Variants in GLOD4 observed in about 807,000 individuals in gnomAD.
GLOD4 encodes glyoxalase domain containing 4.
In GLOD4, 44 loss-of-function variants were observed where a neutral mutation model predicts 39.1. The observed-to-expected ratio is 1.13, with a 90% CI of 0.88 to 1.45. The LOEUF (loss-of-function observed/expected upper bound fraction) is 1.45, where lower values mean the gene tolerates loss of function less well. GLOD4 is among the 40% of genes most tolerant of loss of function. GLOD4 has a pLI of 0.00. For synonymous variants in GLOD4, 145 were observed against 135.0 expected, an observed-to-expected ratio of 1.07 and a Z score of -0.52; for missense variants, 405 against 366.4, an observed-to-expected ratio of 1.11 and a Z score of -0.86.
rs1910095075 is a variant in GLOD4 at position 782,189 on chromosome 17, A to G, written c.67T>C (p.Tyr23His). The G allele has an allele frequency of 1.9e-6, 3 of 1,608,500 alleles. No homozygotes were observed. Among genetic ancestry groups the G allele is most frequent in the African/African-American group, 1.3e-5 (1 of 74,814 alleles). Residue 23 changes from tyrosine to histidine, a missense_variant, in exon 1 of 9, where the codon TAT becomes CAT. Physicochemically the swap from Tyr to His is moderately conservative, Grantham distance 83 (BLOSUM62 2). Transcript: ENST00000301329. ...ACCTTCATCCCCAGGACGTCCCGAT[A>G]GAAACGCGCCGTCTGGAAGCGGTTT... ...VGNRFQTARFYRDVLGMKVLR... is the reference protein window; with the variant it reads ...VGNRFQTARFHRDVLGMKVLR...
At position 777,229 on chromosome 17, in the gene GLOD4, A is replaced by T. The variant is rs554856053; in HGVS notation, c.141-241T>A. 3 of 550,178 alleles carry T rather than the reference A, an allele frequency of 5.5e-6. No individual in the cohort carries two copies. The East Asian group carries it at 9.1e-5, about 17-fold the overall frequency. 34.1% of individuals were successfully genotyped at this position (550,178 alleles called of 1,614,324 possible). On this transcript the variant is annotated intron_variant, in intron 2 of 8. Coordinates refer to ENST00000301329, the MANE Select transcript of GLOD4 (RefSeq NM_016080.4). ...GAAAGATTTGTTCACCTTTTCTGTA[A>T]AGCAAGGAACAGAATCCTAAAGACA...
intron 8 of GLOD4, among the ~76,000 whole-genome samples, chr17:761,160 AGT>A (rs1454139941): frequency 6.6e-6 from 1 of 152,206 alleles, no homozygotes. Flanking sequence ...TGCATGACAG[AGT>A]GTGTGTACGC....
In GLOD4 at chr17:776,950, A is replaced by C. The variant is rs1261981186; in HGVS notation, c.179T>G (p.Phe60Cys). 1 of 1,605,360 alleles carries C rather than the reference A, an allele frequency of 6.2e-7. No individual in the cohort carries two copies. The highest frequency in any genetic ancestry group is 8.5e-7 in the Non-Finnish European group (1 of 1,172,030). The change falls in exon 3 of 9, where the codon TTT (phenylalanine) becomes TGT (cysteine). Residue 60 changes from phenylalanine (F) to cysteine (C), a missense_variant. Phe to Cys is a radical substitution (Grantham distance 205). Coordinates refer to ENST00000301329, the MANE Select transcript of GLOD4 (RefSeq NM_016080.4). Reference protein sequence around the residue: ...DGKWSKTMVGFGPEDDHFVAE... With the variant: ...DGKWSKTMVGCGPEDDHFVAE... ...GACAAAATGATCATCCTCAGGCCCA[A>C]ATCCCACCATTGTTTTACTCCATTT... is the stretch of plus-strand genomic sequence containing the variant.
chr17:782,609 G>C, upstream of GLOD4: 2 of 1,614,036 alleles, frequency 1.2e-6, no homozygotes, highest in Non-Finnish European at 1.7e-6. Flanking sequence ...AACCGCTCGA[G>C]GAGTCCGCAT....
At chr17:780,917 CTTTT>C (rs897931602) in intron 1 of GLOD4, among the ~76,000 whole-genome samples, 3 of 120,824 alleles carry the variant, frequency 2.5e-5, no homozygotes, top group Admixed American at 1.8e-4. Flanking sequence ...GGTGTTGAAT[CTTTT>C]TTTTTTTTTT....
intron 8 of GLOD4, among the ~76,000 whole-genome samples, chr17:761,652 A>C (rs2144258512): frequency 6.6e-6 from 1 of 152,190 alleles, no homozygotes; most frequent in African/African-American, 2.4e-5. Context: ...TTACAGGCGT[A>C]CACCACCGTG....
chr17:775,880 T>C lies in GLOD4; in HGVS notation c.301A>G (p.Arg101Gly), dbSNP rs1908849577. The change falls in exon 4 of 9, where the codon AGG becomes GGG. Residue 101 changes from arginine to glycine, a missense_variant. Transcript: ENST00000301329. ...LASSQAVSNA[R>G]KLEWPLTEVA... ...TCCGTCAGTGGCCACTCCAGCTTCCTGGCGTTGCTGACAGCCTGGCTAGAA... is the reference window on the plus strand; with the variant it reads ...TCCGTCAGTGGCCACTCCAGCTTCCCGGCGTTGCTGACAGCCTGGCTAGAA... The C allele has an allele frequency of 6.2e-7, 1 of 1,613,444 alleles. No individual in the cohort carries two copies. The highest frequency in any genetic ancestry group is 8.5e-7 in the Non-Finnish European group (1 of 1,179,320).
At chr17:767,450 G>A (rs750755068) in intron 8 of GLOD4, among the ~76,000 whole-genome samples, 2 of 152,236 alleles carry the variant, frequency 1.3e-5, no homozygotes, top group Non-Finnish European at 2.9e-5. Context: ...GCGAGAAAGA[G>A]AAACAGTGCA....
At chr17:770,632 A>T in intron 5 of GLOD4, 125 bp from the exon 6 acceptor site, 1 of 617,178 alleles carries the variant, frequency 1.6e-6, no homozygotes. Context: ...TCCTACTCTC[A>T]CCCCAGAGAC....
chr17:770,363 CT>C, intron 6 of GLOD4, 57 bp downstream of exon 6: 2 of 908,232 alleles, frequency 2.2e-6, no homozygotes, highest in Non-Finnish European at 3.7e-6. Context: ...GGACAAAGTT[CT>C]TAGCTGGGTT....
chr17:770,169 C>G lies in GLOD4; in HGVS notation c.631-12G>C, dbSNP rs751967625. 18 of 1,500,628 alleles carry G rather than the reference C, an allele frequency of 1.2e-5. No individual in the cohort carries two copies. Among genetic ancestry groups the G allele is most frequent in the Non-Finnish European group, 1.7e-5 (18 of 1,077,922 alleles). 93.0% of individuals were successfully genotyped at this position (1,500,628 alleles called of 1,614,324 possible). On this transcript the variant is annotated splice_polypyrimidine_tract_variant and intron_variant, in intron 6 of 8. Coordinates refer to ENST00000301329, the MANE Select transcript of GLOD4 (RefSeq NM_016080.4). Reference sequence around the variant, plus strand: ...TCTAAGTCTGGCAACTTGAGGAAAACAGAGGCAACGTGAGCCAGGGGTCAC... The same window carrying G: ...TCTAAGTCTGGCAACTTGAGGAAAAGAGAGGCAACGTGAGCCAGGGGTCAC...
rs1191380568 is a variant in GLOD4, at chr17:775,626, G to A, written c.406+149C>T. 7 of 636,770 alleles carry A rather than the reference G, an allele frequency of 1.1e-5. No individual in the cohort carries two copies. The Admixed American group carries it at 2.0e-4, about 18-fold the overall frequency. 39.4% of individuals were successfully genotyped at this position (636,770 alleles called of 1,614,324 possible). A position where few individuals can be genotyped will look rare whatever the true frequency, so the allele number is the denominator to read the frequency against. On this transcript the variant is annotated intron_variant, in intron 4 of 8. Transcript: ENST00000301329. ...TGTATTTAAGTTCTGATATGAGAAT[G>A]TAGTCTCTCCGATAACAGGTAAAAG... is the stretch of plus-strand genomic sequence containing the variant.
At chr17:763,818 A>G (rs1905973300) in intron 8 of GLOD4, 1 of 152,210 alleles carries the variant, frequency 6.6e-6, no homozygotes, top group South Asian at 2.1e-4. Flanking sequence ...AGGATATAAC[A>G]TCGGTCTGGA....
At chr17:772,115 G>A (rs1452007718) in intron 4 of GLOD4, among the ~76,000 whole-genome samples, 1 of 149,850 alleles carries the variant, frequency 6.7e-6, no homozygotes, top group African/African-American at 2.5e-5. Context: ...CTTGAGCCCG[G>A]GAGGTTGAGG....
chr17:762,999 AC>A (rs1368917965), intron 8 of GLOD4, among the ~76,000 whole-genome samples: 3 of 151,996 alleles, frequency 2.0e-5, no homozygotes, highest in South Asian at 2.1e-4. Flanking sequence ...ACACGGTGAA[AC>A]CCCGTCTCTA....
intron 8 of GLOD4, among the ~76,000 whole-genome samples, chr17:768,311 A>G (rs1907116031): frequency 6.7e-6 from 1 of 148,686 alleles, no homozygotes; most frequent in African/African-American, 2.5e-5. Flanking sequence ...GATTTTTAGA[A>G]GAAGAAATCT....
intron 2 of GLOD4, chr17:778,284 C>T (rs1221803419): frequency 2.0e-5 from 6 of 300,198 alleles, no homozygotes; most frequent in Non-Finnish European, 3.7e-5. Context: ...AGACTGTGAC[C>T]GGCGCCTGAC....
chr17:772,013 C>CAAAAA (rs67745456), intron 4 of GLOD4, among the ~76,000 whole-genome samples: 3 of 50,984 alleles, frequency 5.9e-5, no homozygotes, highest in African/African-American at 8.5e-5. Context: ...AACTCTGTCT[C>CAAAAA]AAAAAAAAAA....
At chr17:778,947 A>C in intron 1 of GLOD4, 1 of 572,276 alleles carries the variant, frequency 1.7e-6, no homozygotes, top group Non-Finnish European at 3.1e-6. Context: ...AGGCTACCAA[A>C]TCAGTTGTGA....
Sources: allele counts gnomAD v4.1 joint callset (sites outside exome capture counted in the v4.1 genomes callset), GRCh38; gene constraint gnomAD v4.1.1; transcripts MANE v1.5; gene names NCBI Gene and HGNC (gene_info 2026-07-23, HGNC 2026-07-21).